The following METTL15 variants were observed in gnomAD, a reference collection of about 807,000 sequenced individuals.
METTL15 encodes the protein methyltransferase 15, mitochondrial 12S rRNA N4-cytidine, also known as 12S rRNA N(4)-cytidine methyltransferase METTL15.
A neutral mutation model predicts 38.3 loss-of-function variants in METTL15; 34 were observed. The observed-to-expected ratio is 0.89, with a 90% CI of 0.68 to 1.18. The LOEUF is 1.18. METTL15 is among the 50% of genes most tolerant of loss of function. The probability of loss-of-function intolerance (pLI) is 0.00; values close to 1 mark genes in which losing one functional copy is unlikely to be tolerated. For synonymous variants in METTL15, 162 were observed against 170.9 expected (o/e 0.95, Z 0.41); for missense variants, 438 against 498.4 (o/e 0.88, Z 1.15).
intron 3 of METTL15, among the ~76,000 whole-genome samples, chr11:28,184,572 G>T (rs546203946): frequency 1.2e-3 from 189 of 151,900 alleles, no homozygotes; most frequent in African/African-American, 4.3e-3. Flanking sequence ...GTGCAGTTTT[G>T]AGTGAGTTTC....
intron 6 of METTL15, among the ~76,000 whole-genome samples, chr11:28,484,872 G>A (rs1290531645): frequency 6.6e-6 from 1 of 152,064 alleles, no homozygotes; most frequent in African/African-American, 2.4e-5. Context: ...CCCACACCAG[G>A]GTTTAATGGC....
At chr11:28,457,982 C>G (rs1044269284) in intron 6 of METTL15, among the ~76,000 whole-genome samples, 16 of 152,178 alleles carry the variant, frequency 1.1e-4, no homozygotes, top group African/African-American at 3.6e-4. Context: ...TGTTGTAAAG[C>G]TCCCCCTCAG....
chr11:28,481,959 T>C (rs991008968), intron 6 of METTL15, among the ~76,000 whole-genome samples: 1 of 152,216 alleles, frequency 6.6e-6, no homozygotes, highest in Admixed American at 6.5e-5. Flanking sequence ...AAATACATTT[T>C]CTCAAGAGGT....
rs761604149 is a variant in METTL15, at chr11:28,274,995, G to C, written c.408-15211G>C. Among the ~76,000 whole-genome samples, 5 of 151,284 alleles carry C rather than the reference G, an allele frequency of 3.3e-5. No individual in the cohort carries two copies. In the South Asian group the frequency reaches 8.3e-4, roughly 25 times the overall value. On this transcript the variant is annotated intron_variant, in intron 4 of 6. Transcript: ENST00000407364. ...AGACTCAAAAAAAGGGAAGTTTATA[G>C]TAATATATGGCTTACATCAATTAGA...
chr11:28,375,698 C>T (rs1003434771), intron 5 of METTL15, among the ~76,000 whole-genome samples: 1 of 151,886 alleles, frequency 6.6e-6, no homozygotes. Context: ...TTATTTCTTG[C>T]CTTCTGCTAG....
At chr11:28,507,562 C>T (rs1347107530) in intron 6 of METTL15, among the ~76,000 whole-genome samples, 1 of 152,150 alleles carries the variant, frequency 6.6e-6, no homozygotes, top group Non-Finnish European at 1.5e-5. Flanking sequence ...TACATGGCTT[C>T]CCTTCTTTGA....
intron 6 of METTL15, among the ~76,000 whole-genome samples, chr11:28,517,794 A>C (rs1269517512): frequency 6.6e-6 from 1 of 152,200 alleles, no homozygotes; most frequent in Admixed American, 6.5e-5. Context: ...ATTTTTCAGA[A>C]ACCTCAGGGA....
At chr11:28,155,027 C>T (rs997569517) in intron 3 of METTL15, among the ~76,000 whole-genome samples, 1 of 151,976 alleles carries the variant, frequency 6.6e-6, no homozygotes, top group Non-Finnish European at 1.5e-5. Context: ...TTTATTTTGG[C>T]AGGATCAGGA....
At chr11:28,180,039 T>G (rs1851226914) in intron 3 of METTL15, among the ~76,000 whole-genome samples, 1 of 151,830 alleles carries the variant, frequency 6.6e-6, no homozygotes, top group South Asian at 2.1e-4. Flanking sequence ...AAAGTTGGGA[T>G]CTTTATTATC....
At chr11:28,231,167 A>G (rs1000861258) in intron 4 of METTL15, among the ~76,000 whole-genome samples, 1 of 151,914 alleles carries the variant, frequency 6.6e-6, no homozygotes, top group African/African-American at 2.4e-5. Flanking sequence ...AAAAAGGTCA[A>G]CATAATGCCT....
intron 6 of METTL15, among the ~76,000 whole-genome samples, chr11:28,321,956 A>G (rs928427239): frequency 1.3e-5 from 2 of 152,100 alleles, no homozygotes; most frequent in African/African-American, 4.8e-5. Context: ...TGGGTACGAA[A>G]AGAATGTACT....
intron 6 of METTL15, among the ~76,000 whole-genome samples, chr11:28,324,470 T>C (rs1371370278): frequency 1.3e-5 from 2 of 152,196 alleles, no homozygotes; most frequent in African/African-American, 2.4e-5. Context: ...CTCCATTGCA[T>C]GTACAAATAA....
At chr11:28,518,632 G>C (rs1039763478) in intron 6 of METTL15, among the ~76,000 whole-genome samples, 1 of 152,196 alleles carries the variant, frequency 6.6e-6, no homozygotes, top group African/African-American at 2.4e-5. Flanking sequence ...TGGTGGTGAA[G>C]TAAGTAAGGA....
At chr11:28,211,246 C>G (rs756437761) in intron 4 of METTL15, 48 bp downstream of exon 4, 32 of 1,564,886 alleles carry the variant, frequency 2.0e-5, no homozygotes, top group Non-Finnish European at 2.8e-5. Context: ...CTTAGTTTTA[C>G]AGAGCTTGGT....
At chr11:28,436,532 A>T (rs1048723477) in intron 6 of METTL15, among the ~76,000 whole-genome samples, 1 of 150,748 alleles carries the variant, frequency 6.6e-6, no homozygotes, top group Non-Finnish European at 1.5e-5. Flanking sequence ...GGGAAATTTC[A>T]GCCCTCCTCC....
At chr11:28,394,534 G>A (rs1407700494) in intron 5 of METTL15, among the ~76,000 whole-genome samples, 1 of 152,024 alleles carries the variant, frequency 6.6e-6, no homozygotes, top group Non-Finnish European at 1.5e-5. Context: ...GGCAGAGAAT[G>A]AAAGTTCTCA....
chr11:28,338,651 G>T (rs1849922881), intron 3 of METTL15, among the ~76,000 whole-genome samples: 1 of 152,040 alleles, frequency 6.6e-6, no homozygotes, highest in South Asian at 2.1e-4. Context: ...GAGTGGATGA[G>T]AGATATCAAA....
intron 4 of METTL15, among the ~76,000 whole-genome samples, chr11:28,248,088 G>A (rs975655425): frequency 6.6e-6 from 1 of 151,984 alleles, no homozygotes; most frequent in Admixed American, 6.6e-5. Context: ...TCATCCACTG[G>A]TTTAAAAACC....
rs371549443 is a variant in METTL15, at chr11:28,114,442, G to T, written c.270+838G>T. ...GTGAATAATGCTACTACGAACATTC[G>T]TGTACAAGTTTTCTTTTCTTTTTTT... is the stretch of plus-strand genomic sequence containing the variant. On this transcript the variant is annotated intron_variant, in intron 3 of 6. Coordinates refer to ENST00000407364, the MANE Select transcript of METTL15 (RefSeq NM_001113528.2). Among the ~76,000 whole-genome samples, 25 of 152,026 alleles carry T rather than the reference G, an allele frequency of 1.6e-4. 1 individual carries two copies. The highest frequency in any genetic ancestry group is 5.8e-4 in the African/African-American group (24 of 41,462).
Sources: gnomAD v4.1 joint callset for allele counts (sites outside exome capture counted in the v4.1 genomes callset) on GRCh38, gnomAD v4.1.1 for gene constraint, MANE v1.5 for transcripts, NCBI Gene and HGNC (gene_info 2026-07-23, HGNC 2026-07-21) for gene names.